WWC1: variants seen among roughly 807,000 people sequenced by gnomAD.
WWC1 encodes WW and C2 domain containing 1.
Under a neutral mutation model 138.4 loss-of-function variants are expected in WWC1, and 55 were observed. That is an observed-to-expected ratio of 0.40 (90% CI 0.32 to 0.50). WWC1 has a LOEUF of 0.50. Ranked by LOEUF, WWC1 falls within the 20% of genes least tolerant of loss-of-function variation. The pLI is 0.72. For missense variants in WWC1, 1,226 were observed against 1,420.4 expected (o/e 0.86, Z 2.20); for synonymous variants, 524 against 564.9 (o/e 0.93, Z 1.03).
chr5:168,292,532 C>G lies in WWC1; in HGVS notation c.119+261C>G, dbSNP rs1769148570. ...CCAGTTGGAGGACTTAGGCCCCAGC[C>G]GGCACCTGCCCGGAGTTTTGACCTT... On this transcript the variant is annotated intron_variant, in intron 1 of 22. Coordinates refer to ENST00000265293, the MANE Select transcript of WWC1 (RefSeq NM_015238.3). This position sits in a 1 kb window ranked among gnomAD's most constrained non-coding sequence, Gnocchi z 4.4. Among the ~76,000 whole-genome samples, 1 of 152,034 alleles carries G rather than the reference C, an allele frequency of 6.6e-6. No homozygotes were observed. The highest frequency in any genetic ancestry group is 1.5e-5 in the Non-Finnish European group (1 of 68,010).
chr5:168,300,710 C>T (rs915034653), intron 1 of WWC1, among the ~76,000 whole-genome samples: 5 of 151,968 alleles, frequency 3.3e-5, no homozygotes, highest in Non-Finnish European at 7.4e-5. Flanking sequence ...CTGACTTTCC[C>T]CAGTCGGCTG....
At chr5:168,338,413 T>C (rs1773688714) in intron 1 of WWC1, among the ~76,000 whole-genome samples, 1 of 139,624 alleles carries the variant, frequency 7.2e-6, no homozygotes, top group Non-Finnish European at 1.6e-5. Context: ...TCCTTTTTTT[T>C]CTTTTTTTTT....
At chr5:168,366,802 C>CTTTTT (rs202012790) in intron 1 of WWC1, among the ~76,000 whole-genome samples, 92 of 100,562 alleles carry the variant, frequency 9.1e-4, no homozygotes, top group East Asian at 1.5e-3. Flanking sequence ...CTTTGAAACA[C>CTTTTT]TTTTTTTTTT....
intron 12 of WWC1, 118 bp from the exon 13 acceptor site, chr5:168,428,589 G>C (rs921999816): frequency 1.1e-6 from 1 of 929,962 alleles, no homozygotes; most frequent in Non-Finnish European, 1.6e-6. Context: ...TTTAAAAAAG[G>C]ACCTGAAGGG....
At chr5:168,468,818 G>A in intron 22 of WWC1, 133 bp from the exon 23 acceptor site, 1 of 849,622 alleles carries the variant, frequency 1.2e-6, no homozygotes, top group East Asian at 2.6e-5. Context: ...TAGAGGGTAA[G>A]AGGCCAAGGA....
At chr5:168,340,545 T>A (rs1180399743) in intron 1 of WWC1, among the ~76,000 whole-genome samples, 1 of 151,874 alleles carries the variant, frequency 6.6e-6, no homozygotes, top group Non-Finnish European at 1.5e-5. Context: ...CTCTATAATT[T>A]TGCCTATCCT....
At chr5:168,354,294 GC>G (rs1775227984) in intron 1 of WWC1, among the ~76,000 whole-genome samples, 1 of 151,902 alleles carries the variant, frequency 6.6e-6, no homozygotes, top group Admixed American at 6.6e-5. Flanking sequence ...CAGGTGATCC[GC>G]CCCCCTCGGC....
intron 1 of WWC1, among the ~76,000 whole-genome samples, chr5:168,320,551 T>C (rs1418532078): frequency 6.6e-6 from 1 of 152,206 alleles, no homozygotes; most frequent in Non-Finnish European, 1.5e-5. Context: ...CTCATCAGGT[T>C]ACCAGGATAA....
chr5:168,453,930 G>A (rs1389886487), intron 17 of WWC1, 38 bp from the exon 18 acceptor site: 2 of 1,610,494 alleles, frequency 1.2e-6, no homozygotes, highest in Non-Finnish European at 1.7e-6. Context: ...AGGCAGAGCG[G>A]CTTCTGGGTG....
intron 3 of WWC1, among the ~76,000 whole-genome samples, chr5:168,395,766 G>C (rs974826000): frequency 1.3e-5 from 2 of 152,072 alleles, no homozygotes; most frequent in Non-Finnish European, 2.9e-5. Context: ...GGTAAACCTC[G>C]GTCTTCTTTT....
intron 1 of WWC1, among the ~76,000 whole-genome samples, chr5:168,358,039 G>A (rs1426998112): frequency 1.3e-5 from 2 of 152,192 alleles, no homozygotes; most frequent in Non-Finnish European, 2.9e-5. Flanking sequence ...AAACACTTGG[G>A]AATCCACAGA....
At chr5:168,448,883 TGCTGGGATTACAGGCATGA>T (rs1288735426) in intron 17 of WWC1, among the ~76,000 whole-genome samples, 1 of 152,148 alleles carries the variant, frequency 6.6e-6, no homozygotes, top group African/African-American at 2.4e-5. Context: ...CCTCCCAAAG[TGCTGGGATTACAGGCATGA>T]GCCACCGCAC....
intron 5 of WWC1, among the ~76,000 whole-genome samples, chr5:168,400,415 A>G (rs959790130): frequency 9.2e-5 from 14 of 152,148 alleles, no homozygotes; most frequent in Admixed American, 7.9e-4. Context: ...TCCCACTTAT[A>G]AGTGAGAACA....
intron 20 of WWC1, among the ~76,000 whole-genome samples, chr5:168,461,116 G>A (rs1313878035): frequency 1.3e-5 from 2 of 152,170 alleles, no homozygotes; most frequent in African/African-American, 2.4e-5. Flanking sequence ...ATCACCTGAG[G>A]TCTGGGGTTT....
intron 2 of WWC1, among the ~76,000 whole-genome samples, chr5:168,373,519 A>G (rs1222208621): frequency 6.6e-6 from 1 of 152,092 alleles, no homozygotes; most frequent in Non-Finnish European, 1.5e-5. Context: ...ACCAAGGCCC[A>G]GGCATTCAGA....
intron 1 of WWC1, among the ~76,000 whole-genome samples, chr5:168,367,013 G>T (rs1776348631): frequency 6.6e-6 from 1 of 151,732 alleles, no homozygotes; most frequent in Non-Finnish European, 1.5e-5. Context: ...TGCCAGGCTG[G>T]TCTTGAACTC....
chr5:168,454,941 G>A (rs1287137315), intron 18 of WWC1, among the ~76,000 whole-genome samples: 2 of 152,220 alleles, frequency 1.3e-5, no homozygotes, highest in Non-Finnish European at 2.9e-5. Flanking sequence ...TTCAGAATTC[G>A]ATGAAAGCAA....
chr5:168,296,225 G>T (rs1435257665), intron 1 of WWC1, among the ~76,000 whole-genome samples: 2 of 152,188 alleles, frequency 1.3e-5, no homozygotes, highest in Non-Finnish European at 2.9e-5. Context: ...TGTGCGATTT[G>T]TATTCAGACC....
intron 15 of WWC1, among the ~76,000 whole-genome samples, chr5:168,436,528 A>T (rs923104473): frequency 2.6e-5 from 4 of 152,046 alleles, no homozygotes; most frequent in African/African-American, 9.7e-5. Flanking sequence ...ACTCGCCTCG[A>T]ATCTTGTATC....
Sources: gnomAD v4.1 joint callset for allele counts (sites outside exome capture counted in the v4.1 genomes callset) on GRCh38, gnomAD v4.1.1 for gene constraint, Gnocchi (gnomAD v3.1) non-coding constraint, MANE v1.5 for transcripts, NCBI Gene and HGNC (gene_info 2026-07-23, HGNC 2026-07-21) for gene names.